RPGRIP1: variants seen among roughly 807,000 people sequenced by gnomAD.
RPGRIP1 encodes the protein RPGR interacting protein 1.
In RPGRIP1, 128 loss-of-function variants were observed where a neutral mutation model predicts 157.9. The observed-to-expected ratio is 0.81, with a 90% confidence interval of 0.70 to 0.94. The LOEUF (loss-of-function observed/expected upper bound fraction) is 0.94. Among genes scored for constraint, RPGRIP1 ranks in the 40% least tolerant of loss-of-function variants. The probability of loss-of-function intolerance (pLI) is 0.00; values close to 1 mark genes in which losing one functional copy is unlikely to be tolerated. For missense variants in RPGRIP1, 1,486 were observed against 1,545.8 expected (o/e 0.96, Z 0.65); for synonymous variants, 554 against 571.6 (o/e 0.97, Z 0.44).
chr14:21,349,742 T>C (rs1885990768), intron 24 of RPGRIP1, among the ~76,000 whole-genome samples: 1 of 152,176 alleles, frequency 6.6e-6, no homozygotes, highest in African/African-American at 2.4e-5. Flanking sequence ...ACCGGTTTCT[T>C]CTACCCCATT....
intron 13 of RPGRIP1, chr14:21,321,635 G>C (rs3748358): frequency 3.0e-6 from 3 of 1,014,200 alleles, no homozygotes; most frequent in African/African-American, 1.6e-5. Context: ...CAAGCGTAAG[G>C]CTTCTGGGTT....
rs190776476 is a variant in RPGRIP1, at chr14:21,337,797, C to T, written c.3339+3092C>T. On this transcript the variant is annotated intron_variant, in intron 21 of 24. Transcript: ENST00000400017. ...TTTTTTTAGAGTCTCGCTCTGTCAC[C>T]CAGGCTGGAGTGCAGTGGCACCATC... Among the ~76,000 whole-genome samples the T allele has an allele frequency of 2.7e-5, 4 of 147,636 alleles. No individual in the cohort carries two copies. In the East Asian group the frequency reaches 7.9e-4, roughly 29 times the overall value.
intron 21 of RPGRIP1, among the ~76,000 whole-genome samples, chr14:21,339,492 T>C (rs539211481): frequency 6.6e-6 from 1 of 152,296 alleles, no homozygotes; most frequent in East Asian, 1.9e-4. Context: ...GAAGGTGCTA[T>C]GTAATGTTTA....
chr14:21,348,093 A>T (rs755439021), intron 23 of RPGRIP1, 79 bp from the exon 24 acceptor site: 31 of 1,190,784 alleles, frequency 2.6e-5, no homozygotes, highest in Non-Finnish European at 3.3e-5. Context: ...TGTATTGTTT[A>T]TGATTACTTT....
intron 2 of RPGRIP1, among the ~76,000 whole-genome samples, chr14:21,289,586 T>G (rs537980775): frequency 6.6e-6 from 1 of 152,302 alleles, no homozygotes; most frequent in Non-Finnish European, 1.5e-5. Flanking sequence ...TCTATAAAAT[T>G]ATTTTTTGAG....
rs758124463 is a variant in RPGRIP1 at position 21,327,787 on chromosome 14, A to G, written c.2875A>G (p.Lys959Glu). The change falls in exon 18 of 25, where the codon AAG becomes GAG. Residue 959 changes from lysine (K) to glutamate (E), a missense_variant. Physicochemically the swap from Lys to Glu is moderately conservative, Grantham distance 56. Transcript: ENST00000400017. The stretch of plus-strand genomic sequence containing the variant: ...TTCAAAGATCTCATCTGAAGAGGAA[A>G]AGGCTTCATTTCCTTCCCAGGTAAC... Reference protein sequence around the residue: ...DSSKISSEEEKASFPSQDQMA... With the variant: ...DSSKISSEEEEASFPSQDQMA... 1.1e-5 allele frequency: 18 copies of G among 1,600,372 alleles called. No individual in the cohort carries two copies. Among genetic ancestry groups the G allele is most frequent in the Non-Finnish European group, 1.4e-5 (16 of 1,173,386 alleles).
chr14:21,296,266 C>T (rs2139148019), intron 3 of RPGRIP1, among the ~76,000 whole-genome samples: 1 of 152,136 alleles, frequency 6.6e-6, no homozygotes, highest in South Asian at 2.1e-4. Context: ...CACCACTGGC[C>T]GTGCTGCCCA....
intron 24 of RPGRIP1, among the ~76,000 whole-genome samples, chr14:21,349,583 G>C (rs1009718603): frequency 2.0e-5 from 3 of 151,168 alleles, no homozygotes; most frequent in African/African-American, 7.3e-5. Flanking sequence ...TGTATATTTA[G>C]TAGAGATGGG....
Position 21,325,845 on chromosome 14 carries a change from T to G in RPGRIP1, c.2382T>G (p.Ser794=). Residue 794 remains serine (S), a synonymous_variant, in exon 17 of 25, where the codon TCT becomes TCG. Transcript: ENST00000400017. ...KAQEEEFRSE[S]WEPQNELWIE... ...CATCTTTCCAGTTCAGATCGGAGTC[T>G]TGGGAACCTCAGAACGAGCTGTGGA... 1.2e-6 allele frequency: 2 copies of G among 1,612,908 alleles called. No individual in the cohort carries two copies. The highest frequency in any genetic ancestry group is 1.7e-6 in the Non-Finnish European group (2 of 1,179,028).
chr14:21,302,420 C>A, intron 4 of RPGRIP1, 68 bp from the exon 5 acceptor site: 1 of 791,086 alleles, frequency 1.3e-6, no homozygotes, highest in Non-Finnish European at 1.9e-6. Context: ...CTTCATGTTC[C>A]AGTTTCAGTA....
intron 21 of RPGRIP1, among the ~76,000 whole-genome samples, chr14:21,337,753 ATTT>A (rs60322777): frequency 0.096 from 9,302 of 97,174 alleles, 406 homozygotes; most frequent in Middle Eastern, 0.18. Context: ...TAGGTTAAGC[ATTT>A]TTTTTTTTTT....
At chr14:21,298,640 C>T (rs979706052) in intron 3 of RPGRIP1, among the ~76,000 whole-genome samples, 3 of 151,760 alleles carry the variant, frequency 2.0e-5, no homozygotes, top group Non-Finnish European at 2.9e-5. Flanking sequence ...TTAAGATCTT[C>T]GTTTAGAATC....
intron 2 of RPGRIP1, 89 bp from the exon 3 acceptor site, chr14:21,294,588 G>A (rs922472276): frequency 1.6e-6 from 2 of 1,284,046 alleles, no homozygotes; most frequent in Middle Eastern, 3.8e-4. Flanking sequence ...ATAGATTTAT[G>A]CTCTCTGGAC....
At chr14:21,292,205 T>C (rs1268686842) in intron 2 of RPGRIP1, among the ~76,000 whole-genome samples, 3 of 152,200 alleles carry the variant, frequency 2.0e-5, no homozygotes, top group Non-Finnish European at 4.4e-5. Flanking sequence ...ATATTTGTCA[T>C]ATATAAATAT....
At chr14:21,291,463 G>T (rs570163669) in intron 2 of RPGRIP1, among the ~76,000 whole-genome samples, 1 of 152,190 alleles carries the variant, frequency 6.6e-6, no homozygotes, top group East Asian at 1.9e-4. Flanking sequence ...AAAAATAGAA[G>T]ATGAGAAAGG....
At position 21,342,065 on chromosome 14, in the gene RPGRIP1, G is replaced by A. The variant is rs925458967; in HGVS notation, c.3340-971G>A. Among the ~76,000 whole-genome samples, 624 of 146,166 alleles carry A rather than the reference G, an allele frequency of 4.3e-3. 7 individuals are homozygous for A. The highest frequency in any genetic ancestry group is 0.016 in the African/African-American group (605 of 38,244). ...ACACTGTCTCAAAAAAAAAAAAAAA[G>A]ACTGGAGTTCCTGTGGGAGGGCAGG... On this transcript the variant is annotated intron_variant, in intron 21 of 24. Transcript: ENST00000400017.
chr14:21,285,559 C>T (rs373722053), intron 1 of RPGRIP1, among the ~76,000 whole-genome samples: 3 of 149,748 alleles, frequency 2.0e-5, no homozygotes, highest in Admixed American at 2.0e-4. Context: ...GAGCTGAGAT[C>T]GCGCCACTGC....
intron 20 of RPGRIP1, among the ~76,000 whole-genome samples, chr14:21,332,697 A>G (rs1300777601): frequency 1.3e-5 from 2 of 152,166 alleles, no homozygotes; most frequent in African/African-American, 4.8e-5. Context: ...GGTAATCTAA[A>G]CCTCATGTAC....
chr14:21,319,891 A>T, intron 11 of RPGRIP1, 126 bp from the exon 12 acceptor site: 1 of 940,086 alleles, frequency 1.1e-6, no homozygotes, highest in Non-Finnish European at 1.6e-6. Context: ...AATAATAGAG[A>T]ATTGCTTCTC....
Sources: gnomAD v4.1 joint callset for allele counts (sites outside exome capture counted in the v4.1 genomes callset) on GRCh38, gnomAD v4.1.1 for gene constraint, MANE v1.5 for transcripts, NCBI Gene and HGNC (gene_info 2026-07-23, HGNC 2026-07-21) for gene names.